FBXO21: variants seen among roughly 807,000 people sequenced by gnomAD.
The protein encoded by FBXO21 is F-box only protein 21.
A neutral mutation model predicts 76.6 loss-of-function variants in FBXO21; 32 were observed. The ratio of observed to expected loss-of-function variants is 0.42; its 90% CI spans 0.32 to 0.56. The LOEUF is 0.56. FBXO21 is among the 20% of genes least tolerant of loss of function. The pLI, the probability that FBXO21 is intolerant of heterozygous loss-of-function variation, is 0.16. For missense variants in FBXO21, 586 were observed against 797.3 expected (o/e 0.73, Z 3.19); for synonymous variants, 328 against 311.5 (o/e 1.05, Z -0.56).
chr12:117,159,681 T>G (rs1565998390), intron 9 of FBXO21, among the ~76,000 whole-genome samples: 1 of 152,190 alleles, frequency 6.6e-6, no homozygotes, highest in Non-Finnish European at 1.5e-5. Context: ...CTACTGACAG[T>G]GCCTGCATAA....
At chr12:117,161,254 C>A (rs890967318) in intron 9 of FBXO21, among the ~76,000 whole-genome samples, 1 of 151,978 alleles carries the variant, frequency 6.6e-6, no homozygotes, top group Admixed American at 6.6e-5. Flanking sequence ...TGAGCAGAGG[C>A]CCTGGGCAGA....
At chr12:117,146,721 C>G (rs563492334) in intron 11 of FBXO21, among the ~76,000 whole-genome samples, 1 of 152,306 alleles carries the variant, frequency 6.6e-6, no homozygotes, top group East Asian at 1.9e-4. Flanking sequence ...CCTCTATTCA[C>G]AGGAGCCCCT....
At chr12:117,158,702 TTCAGTGG>T (rs1260749859) in intron 9 of FBXO21, among the ~76,000 whole-genome samples, 2 of 152,154 alleles carry the variant, frequency 1.3e-5, no homozygotes, top group African/African-American at 4.8e-5. Flanking sequence ...TGCTGGTCAC[TTCAGTGG>T]TCTTAACTCA....
intron 3 of FBXO21, among the ~76,000 whole-genome samples, chr12:117,183,695 G>C (rs1956257145): frequency 6.6e-6 from 1 of 152,188 alleles, no homozygotes; most frequent in Non-Finnish European, 1.5e-5. Context: ...CTTCGTTCAT[G>C]CTCTCTTGGC....
Position 117,143,098 on chromosome 12 carries a change from C to T in FBXO21, c.*2989G>A, listed in dbSNP as rs1955732669. The T allele has an allele frequency of 6.6e-6, 1 of 152,144 alleles. No homozygotes were observed. Among genetic ancestry groups the T allele is most frequent in the African/African-American group, 2.4e-5 (1 of 41,412 alleles). The allele number at this position is 152,144 out of a possible 1,614,324, so 9.4% of individuals were successfully genotyped here. Reference sequence around the variant, plus strand: ...GTGGATAATGTTTGCAAACATGACGCCTGGCAAAACCGGTCTGATTCTAAG... The same window carrying T: ...GTGGATAATGTTTGCAAACATGACGTCTGGCAAAACCGGTCTGATTCTAAG... On this transcript the variant is annotated 3_prime_UTR_variant, in exon 12 of 12. Transcript: ENST00000622495.
In FBXO21 at chr12:117,181,608, T is replaced by TCTATCTAC. The variant is rs1299818134; in HGVS notation, c.471-3968_471-3967insGTAGATAG. Among the ~76,000 whole-genome samples the TCTATCTAC allele has an allele frequency of 5.1e-3, 630 of 123,862 alleles. 5 individuals carry two copies. The highest frequency in any genetic ancestry group is 0.03 in the East Asian group (96 of 3,254). 81.3% of individuals were successfully genotyped at this position (123,862 alleles called of 152,430 possible). ...CTATCTATCTGAGACAGTCTATCTA[T>TCTATCTAC]CTATCTATCTATCTATCTATCTATC... On this transcript the variant is annotated intron_variant, in intron 3 of 11. Coordinates refer to ENST00000622495, the MANE Select transcript of FBXO21 (RefSeq NM_015002.3).
In FBXO21 at chr12:117,174,213, T is replaced by C. The variant is rs1956150925; in HGVS notation, c.868A>G (p.Met290Val). 1.2e-6 allele frequency: 2 copies of C among 1,609,916 alleles called. No homozygotes were observed. The highest frequency in any genetic ancestry group is 1.7e-6 in the Non-Finnish European group (2 of 1,176,220). ...MDYYNALNLY[M>V]HQVLIRRTGI... ...ACTGTACCTATATTTACCTGATGCA[T>C]ATATAAGTTGAGGGCATTATAGTAA... Residue 290 changes from methionine to valine, a missense_variant, in exon 6 of 12, where the codon ATG (methionine) becomes GTG (valine). By Grantham distance (21) the Met-to-Val change is conservative. Coordinates refer to ENST00000622495, the MANE Select transcript of FBXO21 (RefSeq NM_015002.3).
Position 117,189,348 on chromosome 12 carries a change from A to T in FBXO21, c.254T>A (p.Met85Lys), listed in dbSNP as rs1311254405. The T allele has an allele frequency of 6.2e-7, 1 of 1,614,132 alleles. No homozygotes were observed. Among genetic ancestry groups the T allele is most frequent in the East Asian group, 2.2e-5 (1 of 44,880 alleles). ...GTAGTCGGTGGGGCTGTAGTGTTTC[A>T]TAAGGGAAGGCCACCTACGAGGAGA... ...EQFRVRWPSL[M>K]KHYSPTDYVN... The change falls in exon 2 of 12, where the codon ATG becomes AAG. Residue 85 changes from methionine (M) to lysine (K), a missense_variant. By Grantham distance (95) the Met-to-Lys change is moderately conservative. Around this residue, in one of 6 missense-constraint regions of FBXO21, gnomAD observed 152 missense variants for 127.2 expected, o/e 1.19. Transcript: ENST00000622495.
chr12:117,173,251 G>A (rs917045368), intron 6 of FBXO21, among the ~76,000 whole-genome samples: 3 of 152,050 alleles, frequency 2.0e-5, no homozygotes, highest in East Asian at 1.9e-4. Context: ...GGCTGGTCTC[G>A]AACTCCTGAC....
intron 3 of FBXO21, among the ~76,000 whole-genome samples, chr12:117,179,238 A>G (rs1472057204): frequency 6.6e-6 from 1 of 152,240 alleles, no homozygotes; most frequent in Non-Finnish European, 1.5e-5. Flanking sequence ...ATTACAAGGC[A>G]CATTCCTGGA....
intron 3 of FBXO21, among the ~76,000 whole-genome samples, chr12:117,185,727 AT>A (rs1956275296): frequency 6.6e-6 from 1 of 152,232 alleles, no homozygotes; most frequent in Non-Finnish European, 1.5e-5. Flanking sequence ...TTGTACCGCA[AT>A]TCAGAAATTG....
chr12:117,171,918 C>G (rs140195582), intron 7 of FBXO21, among the ~76,000 whole-genome samples: 34 of 152,276 alleles, frequency 2.2e-4, no homozygotes, highest in African/African-American at 7.7e-4. Context: ...CAAAACAGAA[C>G]TCAGTAACCA....
chr12:117,148,528 T>A (rs1466106755), intron 11 of FBXO21, among the ~76,000 whole-genome samples: 1 of 152,224 alleles, frequency 6.6e-6, no homozygotes, highest in African/African-American at 2.4e-5. Flanking sequence ...AGGCCATGGA[T>A]CAGGGGTTGC....
rs1955738613 is a variant in FBXO21, at chr12:117,143,704, AG to A, written c.*2382del. Reference sequence around the variant, plus strand: ...ACATACTTTTCATATTTAGATCCGAAGAGAGGTGAGAGACATTCTACTCAAG... The same window carrying A: ...ACATACTTTTCATATTTAGATCCGAAAGAGGTGAGAGACATTCTACTCAAG... On this transcript the variant is annotated 3_prime_UTR_variant, in exon 12 of 12. Transcript: ENST00000622495. 6.6e-6 allele frequency: 1 copy of A among 152,668 alleles called. No homozygotes were observed. Among genetic ancestry groups the A allele is most frequent in the Admixed American group, 6.5e-5 (1 of 15,288 alleles). The allele number at this position is 152,668 out of a possible 1,614,324, so 9.5% of individuals were successfully genotyped here.
intron 3 of FBXO21, among the ~76,000 whole-genome samples, chr12:117,180,027 C>G (rs1480964230): frequency 6.6e-6 from 1 of 152,162 alleles, no homozygotes; most frequent in Admixed American, 6.5e-5. Flanking sequence ...TGTTATTATC[C>G]ACACTGATGC....
chr12:117,174,404 C>T, intron 5 of FBXO21, 63 bp from the exon 6 acceptor site: 1 of 1,549,506 alleles, frequency 6.5e-7, no homozygotes, highest in Non-Finnish European at 8.9e-7. Flanking sequence ...GTGCCCCAAA[C>T]AACTCACAAC....
chr12:117,142,000 G>C lies in FBXO21; in HGVS notation c.*4087C>G, dbSNP rs764582477. 1 of 152,140 alleles carries C rather than the reference G, an allele frequency of 6.6e-6. No individual in the cohort carries two copies. Among genetic ancestry groups the C allele is most frequent in the Non-Finnish European group, 1.5e-5 (1 of 68,042 alleles). The allele number at this position is 152,140 out of a possible 1,614,324, so 9.4% of individuals were successfully genotyped here. On this transcript the variant is annotated 3_prime_UTR_variant, in exon 12 of 12. Transcript: ENST00000622495. The surrounding 1 kb of genome is among the most constrained non-coding windows in gnomAD (Gnocchi z 4.3). The stretch of plus-strand genomic sequence containing the variant: ...GGTGTTTGAGCCATTGTTGCTTTTC[G>C]GGTCTATTTATTACAGAACTAGCAG...
chr12:117,150,639 A>G (rs1955826588), intron 11 of FBXO21, among the ~76,000 whole-genome samples: 1 of 152,170 alleles, frequency 6.6e-6, no homozygotes, highest in Admixed American at 6.5e-5. Context: ...GTGAATGACA[A>G]TTGTCTTGCT....
rs1004765874 is a variant in FBXO21 at position 117,163,476 on chromosome 12, T to G, written c.1326+2009A>C. ...TGAACCCGGGAGGCAGAGGTGGCAG[T>G]GAGCCAAGATTGCGCCACTGCACTC... is the stretch of plus-strand genomic sequence containing the variant. On this transcript the variant is annotated intron_variant, in intron 9 of 11. Coordinates refer to ENST00000622495, the MANE Select transcript of FBXO21 (RefSeq NM_015002.3). Among the ~76,000 whole-genome samples, 3 of 152,200 alleles carry G rather than the reference T, an allele frequency of 2.0e-5. No individual in the cohort carries two copies. The South Asian group carries it at 6.2e-4, about 32-fold the overall frequency.
Sources: allele counts gnomAD v4.1 joint callset (sites outside exome capture counted in the v4.1 genomes callset), GRCh38; gene constraint gnomAD v4.1.1; regional missense constraint gnomAD v4.1.1; non-coding constraint Gnocchi (gnomAD v3.1); transcripts MANE v1.5; gene names NCBI Gene and HGNC (gene_info 2026-07-23, HGNC 2026-07-21).